The following PADI1 variants were observed in gnomAD, a reference collection of about 807,000 sequenced individuals.
PADI1 encodes the protein peptidyl arginine deiminase 1.
A neutral mutation model predicts 74.8 loss-of-function variants in PADI1; 65 were observed. The ratio of observed to expected loss-of-function variants is 0.87; its 90% CI spans 0.71 to 1.07. The LOEUF (loss-of-function observed/expected upper bound fraction) is 1.07, where lower values mean the gene tolerates loss of function less well. Among genes scored for constraint, PADI1 ranks in the 50% least tolerant of loss-of-function variants. PADI1 has a pLI of 0.00. For missense variants in PADI1, 943 were observed against 854.0 expected (o/e 1.10, Z -1.30); for synonymous variants, 371 against 336.2 (o/e 1.10, Z -1.13).
intron 1 of PADI1, among the ~76,000 whole-genome samples, chr1:17,212,557 G>T (rs535598001): frequency 1.3e-5 from 2 of 152,310 alleles, no homozygotes; most frequent in South Asian, 4.1e-4. Flanking sequence ...AGACCAGGTG[G>T]TACATTTCTG....
At chr1:17,216,784 C>T (rs763653904) in intron 1 of PADI1, among the ~76,000 whole-genome samples, 2 of 152,008 alleles carry the variant, frequency 1.3e-5, no homozygotes, top group African/African-American at 2.4e-5. Context: ...GCAGGAGAAT[C>T]GCTTGAACCC....
chr1:17,233,055 T>G, intron 11 of PADI1, 85 bp downstream of exon 11: 1 of 1,249,870 alleles, frequency 8.0e-7, no homozygotes, highest in Non-Finnish European at 1.1e-6. Context: ...CAAACACAAT[T>G]CCCCAGTCTG....
chr1:17,236,419 G>T (rs754335865), intron 11 of PADI1, among the ~76,000 whole-genome samples: 1 of 152,172 alleles, frequency 6.6e-6, no homozygotes, highest in Non-Finnish European at 1.5e-5. Flanking sequence ...GTTTGTCTCA[G>T]CTTTGCTGAG....
chr1:17,233,327 C>G, intron 11 of PADI1, among the ~76,000 whole-genome samples: 1 of 152,140 alleles, frequency 6.6e-6, no homozygotes, highest in East Asian at 1.9e-4. Flanking sequence ...GGCACAGAGA[C>G]AGAGGAATAG....
chr1:17,206,775 C>G (rs2071697343), intron 1 of PADI1, among the ~76,000 whole-genome samples: 1 of 150,538 alleles, frequency 6.6e-6, no homozygotes, highest in Non-Finnish European at 1.5e-5. Flanking sequence ...CAACCTCCAC[C>G]TCCCGGGTTC....
At chr1:17,223,507 G>T (rs1054895845) in intron 2 of PADI1, 114 bp from the exon 3 acceptor site, 31 of 801,584 alleles carry the variant, frequency 3.9e-5, no homozygotes, top group South Asian at 3.0e-4. Context: ...GACTGGGGGG[G>T]TCTCCAGGCC....
At chr1:17,231,330 C>T (rs1474241231) in intron 10 of PADI1, among the ~76,000 whole-genome samples, 3 of 152,166 alleles carry the variant, frequency 2.0e-5, no homozygotes, top group African/African-American at 4.8e-5. Context: ...TTAATAGTGG[C>T]ACCAAGATGC....
At chr1:17,224,959 C>A (rs773910976) in intron 4 of PADI1, among the ~76,000 whole-genome samples, 1 of 152,080 alleles carries the variant, frequency 6.6e-6, no homozygotes, top group Non-Finnish European at 1.5e-5. Context: ...AGAGAGGCAG[C>A]CTGGATCACA....
At chr1:17,225,002 T>C (rs1166373040) in intron 4 of PADI1, among the ~76,000 whole-genome samples, 1 of 152,156 alleles carries the variant, frequency 6.6e-6, no homozygotes, top group Non-Finnish European at 1.5e-5. Flanking sequence ...AGGGCTGCCA[T>C]GGATGGCTGC....
chr1:17,209,758 C>T (rs1183547382), intron 1 of PADI1, among the ~76,000 whole-genome samples: 1 of 152,218 alleles, frequency 6.6e-6, no homozygotes, highest in Non-Finnish European at 1.5e-5. Context: ...TTGGGCCAGT[C>T]ACTTAGCATC....
chr1:17,217,739 T>C (rs1364039303), intron 1 of PADI1, among the ~76,000 whole-genome samples: 1 of 152,218 alleles, frequency 6.6e-6, no homozygotes, highest in African/African-American at 2.4e-5. Context: ...GTTGGGCTGG[T>C]AACTTGAAAC....
intron 2 of PADI1, 140 bp from the exon 3 acceptor site, chr1:17,223,481 G>A (rs2072218590): frequency 1.5e-6 from 1 of 677,420 alleles, no homozygotes; most frequent in African/African-American, 1.8e-5. Context: ...GAGCCCTTGA[G>A]TCTTGGGACT....
chr1:17,237,436 T>C lies in PADI1; in HGVS notation c.1436T>C (p.Phe479Ser), dbSNP rs753976645. ...GGCCATGTGGACGAGTTTCTGACCT[T>C]TGTGCCTACCTCTGACCAAAAGGTG... ...SVGHVDEFLTFVPTSDQKGFR... is the reference protein window; with the variant it reads ...SVGHVDEFLTSVPTSDQKGFR... Residue 479 changes from phenylalanine (F) to serine (S), a missense_variant, in exon 12 of 16, where the codon TTT becomes TCT. By Grantham distance (155) the Phe-to-Ser change is radical. Coordinates refer to ENST00000375471, the MANE Select transcript of PADI1 (RefSeq NM_013358.3). 2.5e-6 allele frequency: 4 copies of C among 1,612,822 alleles called. No homozygotes were observed. The highest frequency in any genetic ancestry group is 2.7e-5 in the African/African-American group (2 of 74,982).
At chr1:17,229,665 G>T (rs2072430127) in intron 8 of PADI1, among the ~76,000 whole-genome samples, 1 of 152,180 alleles carries the variant, frequency 6.6e-6, no homozygotes, top group Admixed American at 6.5e-5. Context: ...CCGGGTCTAG[G>T]TGTGTGTAGG....
chr1:17,233,404 T>C (rs984676926), intron 11 of PADI1, among the ~76,000 whole-genome samples: 1 of 152,230 alleles, frequency 6.6e-6, no homozygotes, highest in Non-Finnish European at 1.5e-5. Context: ...AAAAGGGTCC[T>C]GAGGTCATGA....
intron 2 of PADI1, among the ~76,000 whole-genome samples, chr1:17,222,907 C>A (rs958944076): frequency 2.6e-5 from 4 of 152,174 alleles, no homozygotes; most frequent in African/African-American, 9.7e-5. Context: ...TCTCTCTCAT[C>A]GCCTGCCCGA....
intron 12 of PADI1, among the ~76,000 whole-genome samples, chr1:17,238,393 G>T (rs1053848867): frequency 6.6e-6 from 1 of 152,230 alleles, no homozygotes; most frequent in South Asian, 2.1e-4. Context: ...GGCAAAATGC[G>T]AAGGGCGTCC....
intron 14 of PADI1, 186 bp from the exon 15 acceptor site, chr1:17,240,449 A>C: frequency 1.7e-6 from 1 of 582,340 alleles, no homozygotes; most frequent in South Asian, 2.4e-5. Flanking sequence ...AGCCTTGTGC[A>C]CTTGAGCAGG....
intron 1 of PADI1, among the ~76,000 whole-genome samples, chr1:17,208,382 C>T (rs1001152248): frequency 2.8e-4 from 42 of 152,138 alleles, no homozygotes; most frequent in Admixed American, 4.6e-4. Flanking sequence ...ATCCCCACAC[C>T]CCAGTAGGCT....
Sources: gnomAD v4.1 joint callset for allele counts (sites outside exome capture counted in the v4.1 genomes callset) on GRCh38, gnomAD v4.1.1 for gene constraint, MANE v1.5 for transcripts, NCBI Gene and HGNC (gene_info 2026-07-23, HGNC 2026-07-21) for gene names.